The following PRKCH variants were observed in gnomAD, a reference collection of about 807,000 sequenced individuals.
PRKCH encodes the protein protein kinase C eta.
A neutral mutation model predicts 82.5 loss-of-function variants in PRKCH; 28 were observed. The ratio of observed to expected loss-of-function variants is 0.34; its 90% CI spans 0.25 to 0.47. The LOEUF (loss-of-function observed/expected upper bound fraction) is 0.47. Among genes scored for constraint, PRKCH ranks in the 20% least tolerant of loss-of-function variants. The pLI is 1.00. For missense variants in PRKCH, 705 were observed against 881.8 expected (o/e 0.80, Z 2.54); for synonymous variants, 322 against 327.4 (o/e 0.98, Z 0.18).
intron 10 of PRKCH, among the ~76,000 whole-genome samples, chr14:61,497,035 C>T (rs1019868324): frequency 3.3e-5 from 5 of 152,092 alleles, no homozygotes; most frequent in African/African-American, 9.7e-5. Flanking sequence ...TCTGATTGAC[C>T]GAAAAGGATG....
intron 1 of PRKCH, among the ~76,000 whole-genome samples, chr14:61,258,778 A>G (rs2045020653): frequency 1.3e-5 from 2 of 152,194 alleles, no homozygotes; most frequent in South Asian, 4.1e-4. Context: ...TAATCATTTT[A>G]AATTGCCTTA....
chr14:61,191,712 C>T (rs376447871), intron 1 of PRKCH, among the ~76,000 whole-genome samples: 1 of 151,982 alleles, frequency 6.6e-6, no homozygotes, highest in African/African-American at 2.4e-5. Context: ...GAATTTTTCA[C>T]GTCTCAACTT....
intron 2 of PRKCH, among the ~76,000 whole-genome samples, chr14:61,402,505 C>G (rs1181883493): frequency 6.6e-6 from 1 of 152,162 alleles, no homozygotes; most frequent in Non-Finnish European, 1.5e-5. Context: ...ATATGAGAAT[C>G]TAGCTGTCAG....
At chr14:61,355,848 C>G (rs762290512) in intron 1 of PRKCH, among the ~76,000 whole-genome samples, 2 of 152,194 alleles carry the variant, frequency 1.3e-5, no homozygotes, top group African/African-American at 4.8e-5. Flanking sequence ...CTGTATAGTT[C>G]AGTCTGAATT....
intron 1 of PRKCH, among the ~76,000 whole-genome samples, chr14:61,210,009 A>G (rs2044557136): frequency 6.6e-6 from 1 of 150,814 alleles, no homozygotes; most frequent in Non-Finnish European, 1.5e-5. Context: ...GAGGCCGAGG[A>G]GGGTGGATCA....
chr14:61,345,550 C>T (rs542249339), intron 1 of PRKCH, among the ~76,000 whole-genome samples: 23 of 152,156 alleles, frequency 1.5e-4, no homozygotes, highest in Non-Finnish European at 2.8e-4. Flanking sequence ...GCAGGGAAGG[C>T]GAGCAGAGGA....
intron 1 of PRKCH, among the ~76,000 whole-genome samples, chr14:61,199,676 C>A (rs1208011489): frequency 6.6e-6 from 1 of 152,028 alleles, no homozygotes; most frequent in East Asian, 1.9e-4. Flanking sequence ...ATGCCACAGT[C>A]AATGTAGGGG....
chr14:61,380,010 G>A (rs376206981), intron 1 of PRKCH, among the ~76,000 whole-genome samples: 2 of 152,114 alleles, frequency 1.3e-5, no homozygotes, highest in Non-Finnish European at 2.9e-5. Flanking sequence ...CCCTAGGGAC[G>A]TCTTATCAGA....
intron 1 of PRKCH, among the ~76,000 whole-genome samples, chr14:61,253,774 C>T (rs1194113547): frequency 6.6e-6 from 1 of 152,136 alleles, no homozygotes; most frequent in Non-Finnish European, 1.5e-5. Context: ...TCGGTTTCCT[C>T]CTCTGCAAAA....
chr14:61,266,834 G>C (rs1056866724), intron 1 of PRKCH, among the ~76,000 whole-genome samples: 1 of 152,156 alleles, frequency 6.6e-6, no homozygotes, highest in African/African-American at 2.4e-5. Flanking sequence ...GATTCCCCGA[G>C]CTTTGCTGAA....
intron 12 of PRKCH, among the ~76,000 whole-genome samples, chr14:61,541,089 C>T (rs934148777): frequency 1.3e-5 from 2 of 152,264 alleles, no homozygotes; most frequent in African/African-American, 4.8e-5. Context: ...CCTGGTGTCT[C>T]TCCCATACTG....
intron 1 of PRKCH, among the ~76,000 whole-genome samples, chr14:61,286,151 C>G (rs2045311895): frequency 6.6e-6 from 1 of 152,144 alleles, no homozygotes; most frequent in Admixed American, 6.5e-5. Flanking sequence ...TTGGCATTCC[C>G]TTATATAGGT....
intron 9 of PRKCH, chr14:61,463,461 C>T (rs1409512830): frequency 6.6e-6 from 1 of 151,532 alleles, no homozygotes; most frequent in Non-Finnish European, 1.5e-5. Context: ...GGTTTATGAA[C>T]CCATAGATTA....
At chr14:61,497,305 G>A (rs1886712502) in intron 10 of PRKCH, among the ~76,000 whole-genome samples, 1 of 152,158 alleles carries the variant, frequency 6.6e-6, no homozygotes, top group East Asian at 1.9e-4. Context: ...TGATAAAATG[G>A]AAGTCCTGGA....
rs567867160 is a variant in PRKCH at position 61,516,250 on chromosome 14, C to G, written c.1434-12825C>G. ...TCATCTCTCTATATGGCACAGGGCTCCAAACTGAAATAGCCACTATTGGGT... is the reference window on the plus strand; with the variant it reads ...TCATCTCTCTATATGGCACAGGGCTGCAAACTGAAATAGCCACTATTGGGT... On this transcript the variant is annotated intron_variant, in intron 10 of 13. Coordinates refer to ENST00000332981, the MANE Select transcript of PRKCH (RefSeq NM_006255.5). Among the ~76,000 whole-genome samples the G allele has an allele frequency of 3.5e-4, 54 of 152,164 alleles. 1 individual carries two copies. Among genetic ancestry groups the G allele is most frequent in the African/African-American group, 1.3e-3 (54 of 41,476 alleles).
chr14:61,533,302 A>AAG (rs1233050897), intron 12 of PRKCH, among the ~76,000 whole-genome samples: 2 of 149,118 alleles, frequency 1.3e-5, no homozygotes, highest in African/African-American at 2.4e-5. Context: ...ACTAAAAAAA[A>AAG]AAAAATCACT....
chr14:61,389,322 C>G (rs182563948), intron 1 of PRKCH, among the ~76,000 whole-genome samples: 1 of 151,456 alleles, frequency 6.6e-6, no homozygotes, highest in African/African-American at 2.4e-5. Flanking sequence ...TGAAGTCCAG[C>G]CTGGGTGACA....
At chr14:61,431,762 G>A (rs560418730) in intron 2 of PRKCH, among the ~76,000 whole-genome samples, 2 of 152,180 alleles carry the variant, frequency 1.3e-5, no homozygotes, top group Middle Eastern at 3.4e-3. Context: ...TATTTTCCTG[G>A]TAAAACCTTT....
rs75969796 is a variant in PRKCH, at chr14:61,269,807, C to A, written c.-19+82139C>A. Among the ~76,000 whole-genome samples the A allele has an allele frequency of 5.9e-5, 9 of 152,220 alleles. No homozygotes were observed. In the East Asian group the frequency reaches 1.7e-3, roughly 29 times the overall value. ...ACGGGATTCTCATTACAGATTGGAC[C>A]GACAATCAACCTGAGAAATTGTACG... On this transcript the variant is annotated intron_variant, in intron 1 of 3. Coordinates refer to the PRKCH transcript ENST00000555185.
Sources: gnomAD v4.1 joint callset for allele counts (sites outside exome capture counted in the v4.1 genomes callset) on GRCh38, gnomAD v4.1.1 for gene constraint, MANE v1.5 for transcripts, NCBI Gene and HGNC (gene_info 2026-07-23, HGNC 2026-07-21) for gene names.